The following APBB1IP variants were observed in gnomAD, a reference collection of about 807,000 sequenced individuals.
APBB1IP encodes amyloid beta precursor protein binding family B member 1 interacting protein, also known as amyloid beta A4 precursor protein-binding family B member 1-interacting protein.
A neutral mutation model predicts 64.9 loss-of-function variants in APBB1IP; 27 were observed. That is an observed-to-expected ratio of 0.42 (90% CI 0.31 to 0.57). The LOEUF (loss-of-function observed/expected upper bound fraction) is 0.57. APBB1IP is among the 20% of genes least tolerant of loss of function. The pLI is 0.20. For synonymous variants in APBB1IP, 392 were observed against 331.0 expected, an observed-to-expected ratio of 1.18 and a Z score of -2.00; for missense variants, 812 against 845.5, an observed-to-expected ratio of 0.96 and a Z score of 0.49.
At chr10:26,487,310 G>T (rs1835904459) in intron 2 of APBB1IP, among the ~76,000 whole-genome samples, 1 of 151,622 alleles carries the variant, frequency 6.6e-6, no homozygotes, top group Non-Finnish European at 1.5e-5. Context: ...TTGTGTGTGT[G>T]TACACTGTAT....
At chr10:26,456,110 G>T (rs1314662371) in intron 2 of APBB1IP, among the ~76,000 whole-genome samples, 1 of 152,266 alleles carries the variant, frequency 6.6e-6, no homozygotes, top group African/African-American at 2.4e-5. Context: ...AGGAGTGAAC[G>T]GATACAGGGT....
chr10:26,483,318 G>A (rs949622143), intron 2 of APBB1IP, among the ~76,000 whole-genome samples: 13 of 152,024 alleles, frequency 8.6e-5, no homozygotes, highest in Admixed American at 8.5e-4. Flanking sequence ...GTGTAAACTC[G>A]ATCGATTTAC....
chr10:26,539,447 G>GAAGGAAGA (rs370864441), intron 10 of APBB1IP, among the ~76,000 whole-genome samples: 115 of 150,338 alleles, frequency 7.6e-4, no homozygotes, highest in Non-Finnish European at 1.0e-3. Flanking sequence ...GAGAGTGAAG[G>GAAGGAAGA]AAGGAAGAAA....
intron 8 of APBB1IP, among the ~76,000 whole-genome samples, chr10:26,515,886 C>G (rs1207949650): frequency 6.6e-6 from 1 of 152,126 alleles, no homozygotes; most frequent in African/African-American, 2.4e-5. Context: ...TAGGCTGGAT[C>G]TAGAAACCAA....
At chr10:26,550,346 T>C (rs1183487141) in intron 11 of APBB1IP, among the ~76,000 whole-genome samples, 2 of 152,164 alleles carry the variant, frequency 1.3e-5, no homozygotes, top group Non-Finnish European at 2.9e-5. Context: ...AAGCTTTCTA[T>C]CCCTTTTCAT....
At chr10:26,481,901 ACT>A (rs1195476664) in intron 2 of APBB1IP, among the ~76,000 whole-genome samples, 1 of 147,904 alleles carries the variant, frequency 6.8e-6, no homozygotes, top group Non-Finnish European at 1.5e-5. Flanking sequence ...TTTTCAAAGC[ACT>A]CTCTTAGTAT....
At chr10:26,547,805 A>G (rs781349206) in intron 11 of APBB1IP, among the ~76,000 whole-genome samples, 21 of 152,228 alleles carry the variant, frequency 1.4e-4, no homozygotes, top group Admixed American at 2.0e-4. Context: ...GGTGAGAAAT[A>G]GGGGTCAAGT....
chr10:26,557,346 TC>T (rs1836906975), intron 11 of APBB1IP, among the ~76,000 whole-genome samples: 1 of 152,212 alleles, frequency 6.6e-6, no homozygotes, highest in Non-Finnish European at 1.5e-5. Context: ...ATGTCTGTGT[TC>T]CTGTTTGCTA....
At chr10:26,487,804 T>C (rs1249006335) in intron 2 of APBB1IP, among the ~76,000 whole-genome samples, 1 of 152,208 alleles carries the variant, frequency 6.6e-6, no homozygotes, top group African/African-American at 2.4e-5. Context: ...GACTTTATTT[T>C]AGTGCTTTTC....
intron 6 of APBB1IP, among the ~76,000 whole-genome samples, chr10:26,507,207 A>C (rs752921448): frequency 5.8e-4 from 88 of 152,086 alleles, no homozygotes; most frequent in Non-Finnish European, 1.1e-3. Context: ...TAAAGGTCAT[A>C]AAGGGCCAGG....
At chr10:26,482,201 T>A (rs945675406) in intron 2 of APBB1IP, among the ~76,000 whole-genome samples, 1 of 152,300 alleles carries the variant, frequency 6.6e-6, no homozygotes, top group Admixed American at 6.5e-5. Context: ...AGGGGTACAG[T>A]GCAAAGTTGG....
At chr10:26,447,523 A>T (rs922372481) in intron 2 of APBB1IP, among the ~76,000 whole-genome samples, 4 of 152,174 alleles carry the variant, frequency 2.6e-5, no homozygotes, top group African/African-American at 9.7e-5. Flanking sequence ...ATCTAATGTA[A>T]CATAGAATGA....
intron 2 of APBB1IP, among the ~76,000 whole-genome samples, chr10:26,442,917 G>C (rs1180670139): frequency 6.6e-6 from 1 of 152,064 alleles, no homozygotes; most frequent in South Asian, 2.1e-4. Context: ...AAGAACACTG[G>C]CATGGCAGAC....
At chr10:26,511,682 C>T in intron 6 of APBB1IP, 65 bp from the exon 7 acceptor site, 3 of 1,573,686 alleles carry the variant, frequency 1.9e-6, no homozygotes, top group South Asian at 2.3e-5. Context: ...AACTTTGAAA[C>T]CCTCATCTTA....
intron 2 of APBB1IP, among the ~76,000 whole-genome samples, chr10:26,485,687 A>G (rs1186070773): frequency 6.6e-6 from 1 of 152,190 alleles, no homozygotes; most frequent in Non-Finnish European, 1.5e-5. Flanking sequence ...AGGAAACTGA[A>G]GTCCAAGGAG....
intron 8 of APBB1IP, among the ~76,000 whole-genome samples, chr10:26,532,996 C>T (rs536712397): frequency 1.8e-4 from 28 of 152,320 alleles, no homozygotes; most frequent in African/African-American, 3.4e-4. Context: ...GCCAGAATCC[C>T]GCCAGCCTAC....
chr10:26,514,025 C>T (rs117257515), intron 8 of APBB1IP, among the ~76,000 whole-genome samples: 1,868 of 152,220 alleles, frequency 0.012, 20 homozygotes, highest in Non-Finnish European at 0.018. Flanking sequence ...TGAGCCACTG[C>T]GCCCAGCCAA....
At chr10:26,566,669 G>GGGACAGAGGCTCCCCAGGGGGC (rs1240790972) in intron 14 of APBB1IP, among the ~76,000 whole-genome samples, 27 of 152,180 alleles carry the variant, frequency 1.8e-4, no homozygotes, top group Non-Finnish European at 3.2e-4. Flanking sequence ...CAGTGACTGA[G>GGGACAGAGGCTCCCCAGGGGGC]GGACAGAGGC....
chr10:26,496,232 C>T (rs1241147628), intron 3 of APBB1IP, 72 bp from the exon 4 acceptor site: 4 of 1,154,624 alleles, frequency 3.5e-6, no homozygotes, highest in Admixed American at 1.9e-5. Context: ...TGGTTTTTGA[C>T]TTGCTGAGTA....
Sources: gnomAD v4.1 joint callset for allele counts (sites outside exome capture counted in the v4.1 genomes callset) on GRCh38, gnomAD v4.1.1 for gene constraint, MANE v1.5 for transcripts, NCBI Gene and HGNC (gene_info 2026-07-23, HGNC 2026-07-21) for gene names.